PLD5: variants seen among roughly 807,000 people sequenced by gnomAD.
The protein encoded by PLD5 is inactive phospholipase D5.
A neutral mutation model predicts 61.1 loss-of-function variants in PLD5; 36 were observed. The ratio of observed to expected loss-of-function variants is 0.59; its 90% CI spans 0.45 to 0.78. PLD5 has a LOEUF of 0.78. PLD5 is among the 30% of genes least tolerant of loss of function. PLD5 has a pLI of 0.00. For synonymous variants in PLD5, 243 were observed against 242.8 expected (o/e 1.00, Z -0.01); for missense variants, 515 against 644.4 (o/e 0.80, Z 2.17).
intron 4 of PLD5, among the ~76,000 whole-genome samples, chr1:242,229,149 A>G (rs1037394106): frequency 2.0e-5 from 3 of 152,202 alleles, no homozygotes; most frequent in African/African-American, 7.2e-5. Flanking sequence ...AAGATTCAAA[A>G]TAAACATCCT....
chr1:242,470,350 AAAAAAAAG>A (rs1170743000), intron 1 of PLD5, among the ~76,000 whole-genome samples: 15 of 132,540 alleles, frequency 1.1e-4, no homozygotes, highest in African/African-American at 4.6e-4. Context: ...TCAAAGAAAA[AAAAAAAAG>A]AAAGAAAGAA....
chr1:242,512,352 A>G (rs993960120), intron 1 of PLD5, among the ~76,000 whole-genome samples: 9 of 151,048 alleles, frequency 6.0e-5, no homozygotes, highest in Non-Finnish European at 1.2e-4. Flanking sequence ...CCTGAGAGGC[A>G]GAGCTTGCAG....
At chr1:242,200,480 T>C (rs1362611016) in intron 5 of PLD5, among the ~76,000 whole-genome samples, 1 of 152,152 alleles carries the variant, frequency 6.6e-6, no homozygotes, top group Admixed American at 6.5e-5. Context: ...TCTGCATACT[T>C]TTTGGTTCTT....
At chr1:242,154,027 G>C (rs1665147699) in intron 5 of PLD5, among the ~76,000 whole-genome samples, 2 of 152,074 alleles carry the variant, frequency 1.3e-5, no homozygotes, top group East Asian at 3.9e-4. Flanking sequence ...ATTTCCTTGA[G>C]CAGTGGTTTG....
chr1:242,426,354 G>T (rs2654872), intron 1 of PLD5, among the ~76,000 whole-genome samples: 39,792 of 146,470 alleles, frequency 0.27, 5,580 homozygotes, highest in Admixed American at 0.32. Flanking sequence ...GAGTACACCC[G>T]AACATAGCAA....
At chr1:242,139,907 T>C (rs1356834341) in intron 5 of PLD5, among the ~76,000 whole-genome samples, 1 of 152,100 alleles carries the variant, frequency 6.6e-6, no homozygotes, top group Non-Finnish European at 1.5e-5. Flanking sequence ...GCAGGGAAGA[T>C]TTCTGTCTGA....
chr1:242,090,129 A>G lies in PLD5; in HGVS notation c.1355-19T>C. 1 of 1,613,276 alleles carries G rather than the reference A, an allele frequency of 6.2e-7. No individual in the cohort carries two copies. The highest frequency in any genetic ancestry group is 8.5e-7 in the Non-Finnish European group (1 of 1,179,318). On this transcript the variant is annotated intron_variant, in intron 9 of 9. Transcript: ENST00000536534. ...AAATTTCCTGCAAACAAACAAAGAA[A>G]TAATGTTGAGGAGTTAGAGTCCACT...
intron 7 of PLD5, among the ~76,000 whole-genome samples, chr1:242,112,862 C>T (rs4658620): frequency 6.6e-6 from 1 of 152,176 alleles, no homozygotes; most frequent in Non-Finnish European, 1.5e-5. Context: ...ATTCCCAGCA[C>T]GAAAGCAAAA....
chr1:242,203,054 G>A (rs566380844), intron 5 of PLD5, among the ~76,000 whole-genome samples: 1 of 152,306 alleles, frequency 6.6e-6, no homozygotes, highest in Admixed American at 6.5e-5. Flanking sequence ...CTGCAGCAAT[G>A]ATTCCAGAAA....
At chr1:242,516,064 C>T (rs1385699599) in intron 1 of PLD5, among the ~76,000 whole-genome samples, 1 of 151,936 alleles carries the variant, frequency 6.6e-6, no homozygotes, top group African/African-American at 2.4e-5. Flanking sequence ...TGACATCAAG[C>T]ACCTTTTCAT....
intron 2 of PLD5, among the ~76,000 whole-genome samples, chr1:242,307,043 T>C (rs2149168481): frequency 6.6e-6 from 1 of 152,378 alleles, no homozygotes. Context: ...GGTCTATTCC[T>C]TGCTGGTGAG....
chr1:242,230,274 T>C (rs936896953), intron 4 of PLD5, among the ~76,000 whole-genome samples: 4 of 152,208 alleles, frequency 2.6e-5, no homozygotes, highest in African/African-American at 9.7e-5. Context: ...ATATAATTTA[T>C]CCCATACATA....
intron 1 of PLD5, among the ~76,000 whole-genome samples, chr1:242,358,081 T>C (rs1180816967): frequency 6.6e-6 from 1 of 152,156 alleles, no homozygotes; most frequent in Non-Finnish European, 1.5e-5. Flanking sequence ...GGATTTCTAT[T>C]TGGGTATTTT....
In PLD5 at chr1:242,524,007, G is replaced by T; in HGVS notation, c.189+81C>A. 2.1e-6 allele frequency: 3 copies of T among 1,407,254 alleles called. No homozygotes were observed. In the South Asian group the frequency reaches 4.2e-5, roughly 20 times the overall value. The allele number at this position is 1,407,254 out of a possible 1,614,324, so 87.2% of individuals were successfully genotyped here. ...TCCCCTCGCCTGCCCCCCGCGCCCC[G>T]CGCGCGCTCATGCCACCACCACGGG... On this transcript the variant is annotated intron_variant, in intron 1 of 9. Coordinates refer to ENST00000536534, the MANE Select transcript of PLD5 (RefSeq NM_001372062.1).
chr1:242,171,609 G>A (rs148350980), intron 5 of PLD5, among the ~76,000 whole-genome samples: 1,596 of 151,826 alleles, frequency 0.011, 29 homozygotes, highest in African/African-American at 0.037. Context: ...ACTGGACAAA[G>A]AGTCAAGACC....
At chr1:242,179,890 G>A (rs187277849) in intron 5 of PLD5, among the ~76,000 whole-genome samples, 25 of 150,610 alleles carry the variant, frequency 1.7e-4, no homozygotes, top group Admixed American at 2.7e-4. Context: ...GTGACAGAGT[G>A]AGACTCTGTC....
At chr1:242,149,840 ATATT>A (rs1664807064) in intron 5 of PLD5, among the ~76,000 whole-genome samples, 1 of 151,588 alleles carries the variant, frequency 6.6e-6, no homozygotes, top group Non-Finnish European at 1.5e-5. Context: ...TGTATTCCTG[ATATT>A]TATGATTTGT....
Position 242,107,457 on chromosome 1 carries a change from G to T in PLD5, c.1239+214C>A, listed in dbSNP as rs568438042. ...AAATGGAAAGGATGCAACAGAAAGT[G>T]AGAAGAGGGCTGGACGGAGGAGGCA... On this transcript the variant is annotated intron_variant, in intron 8 of 9. Coordinates refer to ENST00000536534, the MANE Select transcript of PLD5 (RefSeq NM_001372062.1). 8.6e-5 allele frequency among the ~76,000 whole-genome samples: 13 copies of T among 151,590 alleles called. No homozygotes were observed. In the South Asian group the frequency reaches 2.1e-3, roughly 25 times the overall value.
intron 4 of PLD5, among the ~76,000 whole-genome samples, chr1:242,228,496 T>C (rs1361305186): frequency 2.0e-5 from 3 of 152,182 alleles, no homozygotes; most frequent in Admixed American, 1.3e-4. Context: ...AGCTGAGCCA[T>C]CCAAATTTCT....
Sources: allele counts gnomAD v4.1 joint callset (sites outside exome capture counted in the v4.1 genomes callset), GRCh38; gene constraint gnomAD v4.1.1; transcripts MANE v1.5; gene names NCBI Gene and HGNC (gene_info 2026-07-23, HGNC 2026-07-21).